Variants in EPC2 observed in about 807,000 individuals in gnomAD.
EPC2 encodes enhancer of polycomb 2, also known as enhancer of polycomb homolog 2.
Under a neutral mutation model 92.1 loss-of-function variants are expected in EPC2, and 14 were observed. The ratio of observed to expected loss-of-function variants is 0.15; its 90% CI spans 0.10 to 0.24. The LOEUF (loss-of-function observed/expected upper bound fraction) is 0.24, where lower values mean the gene tolerates loss of function less well. Among genes scored for constraint, EPC2 ranks in the 10% least tolerant of loss-of-function variants. EPC2 has a pLI of 1.00. For missense variants in EPC2, 755 were observed against 971.5 expected, an observed-to-expected ratio of 0.78 and a Z score of 2.96; for synonymous variants, 340 against 334.7, an observed-to-expected ratio of 1.02 and a Z score of -0.17.
Position 148,781,713 on chromosome 2 carries a change from A to T in EPC2, c.1790A>T (p.Gln597Leu), listed in dbSNP as rs767537124. Residue 597 changes from glutamine (Q) to leucine (L), a missense_variant, in exon 11 of 14, where the codon CAA (glutamine) becomes CTA (leucine). By Grantham distance (113) the Gln-to-Leu change is moderately radical (BLOSUM62 -2). Transcript: ENST00000258484. ...QQQLVQMQRQ[Q>L]LAQLQQKQQS... ...CAGTTAGTTCAGATGCAAAGGCAGC[A>T]ACTTGCCCAGCTTCAGCAGAAACAG... 6.2e-7 allele frequency: 1 copy of T among 1,614,030 alleles called. No individual in the cohort carries two copies. Among genetic ancestry groups the T allele is most frequent in the Non-Finnish European group, 8.5e-7 (1 of 1,179,888 alleles).
chr2:148,741,608 T>C (rs1682880676), intron 2 of EPC2, among the ~76,000 whole-genome samples: 1 of 152,204 alleles, frequency 6.6e-6, no homozygotes, highest in East Asian at 1.9e-4. Context: ...TCACGTGGTA[T>C]GAATGTAGGA....
At chr2:148,748,741 C>G (rs528770917) in intron 3 of EPC2, among the ~76,000 whole-genome samples, 6 of 152,034 alleles carry the variant, frequency 3.9e-5, no homozygotes, top group African/African-American at 1.4e-4. Flanking sequence ...AAAGTTTTGA[C>G]TGCATTTTGA....
intron 2 of EPC2, among the ~76,000 whole-genome samples, chr2:148,723,091 G>T (rs569354830): frequency 7.9e-5 from 12 of 152,124 alleles, no homozygotes; most frequent in South Asian, 4.2e-4. Flanking sequence ...TATTACCTGG[G>T]GGATAAAATA....
chr2:148,678,516 T>C (rs1681322103), intron 1 of EPC2, among the ~76,000 whole-genome samples: 2 of 152,200 alleles, frequency 1.3e-5, no homozygotes, highest in Non-Finnish European at 2.9e-5. Context: ...GGCTTAGGCA[T>C]GGCGGGCTGC....
Position 148,747,810 on chromosome 2 carries a change from C to T in EPC2, c.459+4043C>T, listed in dbSNP as rs150521074. On this transcript the variant is annotated intron_variant, in intron 3 of 13. Transcript: ENST00000258484. ...TTGTTATCTGTCCCCTGCATTTTTT[C>T]ATTTATCTTAAGCTGCTAGTAGTTT... is the stretch of plus-strand genomic sequence containing the variant. 7.1e-3 allele frequency among the ~76,000 whole-genome samples: 1,084 copies of T among 152,026 alleles called. 5 individuals carry two copies. Among genetic ancestry groups the T allele is most frequent in the African/African-American group, 0.025 (1,018 of 41,494 alleles).
At chr2:148,650,113 A>G (rs780574465) in intron 1 of EPC2, among the ~76,000 whole-genome samples, 11 of 152,178 alleles carry the variant, frequency 7.2e-5, no homozygotes, top group Non-Finnish European at 1.0e-4. Flanking sequence ...TAATGTCTCT[A>G]AGGGCAAAGA....
chr2:148,744,989 G>GCTCC (rs1682953005), intron 3 of EPC2, among the ~76,000 whole-genome samples: 1 of 46,296 alleles, frequency 2.2e-5, no homozygotes, highest in Non-Finnish European at 4.9e-5. Flanking sequence ...CTATCAGTTT[G>GCTCC]CCCCCCCCCC....
At chr2:148,763,679 T>A (rs1683347916) in intron 6 of EPC2, among the ~76,000 whole-genome samples, 1 of 152,168 alleles carries the variant, frequency 6.6e-6, no homozygotes, top group Non-Finnish European at 1.5e-5. Flanking sequence ...ACACTAAAGT[T>A]CTTTCTTATT....
intron 10 of EPC2, among the ~76,000 whole-genome samples, chr2:148,777,105 C>G (rs1683662484): frequency 6.6e-6 from 1 of 151,728 alleles, no homozygotes; most frequent in South Asian, 2.1e-4. Flanking sequence ...GGTGATCCAC[C>G]CACCTTGGCC....
intron 1 of EPC2, among the ~76,000 whole-genome samples, chr2:148,688,654 C>A (rs1681579330): frequency 6.6e-6 from 1 of 152,094 alleles, no homozygotes; most frequent in South Asian, 2.1e-4. Flanking sequence ...ACTGTTTGAC[C>A]TCAACAACTT....
intron 1 of EPC2, among the ~76,000 whole-genome samples, chr2:148,685,986 T>C (rs1250148768): frequency 1.3e-5 from 2 of 152,144 alleles, no homozygotes; most frequent in African/African-American, 4.8e-5. Flanking sequence ...ATCAGGGTAA[T>C]GTTTGCTAAA....
At chr2:148,741,935 A>C (rs1421293094) in intron 2 of EPC2, among the ~76,000 whole-genome samples, 5 of 152,190 alleles carry the variant, frequency 3.3e-5, no homozygotes, top group Non-Finnish European at 7.4e-5. Context: ...AAACACATGC[A>C]TATATATCCA....
intron 11 of EPC2, 141 bp downstream of exon 11, chr2:148,781,921 A>G: frequency 2.2e-6 from 2 of 913,444 alleles, no homozygotes; most frequent in Non-Finnish European, 1.6e-6. Context: ...CTTTTCAGTT[A>G]ATGTACGTAA....
At chr2:148,782,866 C>G (rs1683783008) in intron 11 of EPC2, among the ~76,000 whole-genome samples, 1 of 152,186 alleles carries the variant, frequency 6.6e-6, no homozygotes, top group South Asian at 2.1e-4. Flanking sequence ...CTCTATAATT[C>G]TAAAACCACT....
At chr2:148,651,359 G>A (rs537722386) in intron 1 of EPC2, among the ~76,000 whole-genome samples, 1 of 152,232 alleles carries the variant, frequency 6.6e-6, no homozygotes, top group South Asian at 2.1e-4. Context: ...GTTTTCGTTC[G>A]GACATGCAGA....
chr2:148,732,544 C>G (rs1011514533), intron 2 of EPC2, among the ~76,000 whole-genome samples: 1 of 152,070 alleles, frequency 6.6e-6, no homozygotes, highest in Non-Finnish European at 1.5e-5. Context: ...CTGTGCCCGG[C>G]TAATTTTTGT....
intron 2 of EPC2, among the ~76,000 whole-genome samples, chr2:148,738,293 A>G (rs1029221001): frequency 2.0e-5 from 3 of 152,228 alleles, no homozygotes; most frequent in Non-Finnish European, 2.9e-5. Context: ...TTTGAGAGCC[A>G]GTTGCTCATC....
In EPC2 at chr2:148,784,874, G is replaced by C. The variant is rs781491485; in HGVS notation, c.2224G>C (p.Val742Leu). The C allele has an allele frequency of 3.7e-6, 6 of 1,612,586 alleles. No homozygotes were observed. The highest frequency in any genetic ancestry group is 5.1e-6 in the Non-Finnish European group (6 of 1,179,218). Reference protein sequence around the residue: ...HLNNVSVVSPVNVHINTRTSA... With the variant: ...HLNNVSVVSPLNVHINTRTSA... ...CAATAATGTCAGTGTTGTTTCTCCA[G>C]TCAATGTGCATATCAATACACGGAC... The change falls in exon 13 of 14, where the codon GTC becomes CTC. Residue 742 changes from valine (V) to leucine (L), a missense_variant. Physicochemically the swap from Val to Leu is conservative, Grantham distance 32. Coordinates refer to ENST00000258484, the MANE Select transcript of EPC2 (RefSeq NM_015630.4).
chr2:148,781,884 T>C (rs1391118650), intron 11 of EPC2, 104 bp downstream of exon 11: 11 of 1,371,122 alleles, frequency 8.0e-6, no homozygotes, highest in South Asian at 1.4e-5. Flanking sequence ...TTTGCCACTC[T>C]TGATTTGGGG....
Sources: allele counts gnomAD v4.1 joint callset (sites outside exome capture counted in the v4.1 genomes callset), GRCh38; gene constraint gnomAD v4.1.1; transcripts MANE v1.5; gene names NCBI Gene and HGNC (gene_info 2026-07-23, HGNC 2026-07-21).